The following LSG1 variants were observed in gnomAD, a reference collection of about 807,000 sequenced individuals.
LSG1 encodes the protein large 60S subunit nuclear export GTPase 1, also known as large subunit GTPase 1 homolog.
In LSG1, 55 loss-of-function variants were observed where a neutral mutation model predicts 82.6. The observed-to-expected ratio is 0.67, with a 90% confidence interval of 0.54 to 0.83. The LOEUF is 0.83. Ranked by LOEUF, LSG1 falls within the 40% of genes least tolerant of loss-of-function variation. The probability of loss-of-function intolerance (pLI) is 0.00; values close to 1 mark genes in which losing one functional copy is unlikely to be tolerated. For missense variants in LSG1, 809 were observed against 807.9 expected, an observed-to-expected ratio of 1.00 and a Z score of -0.02; for synonymous variants, 272 against 282.5, an observed-to-expected ratio of 0.96 and a Z score of 0.37.
chr3:194,641,853 G>C lies in LSG1; in HGVS notation c.*215C>G. On this transcript the variant is annotated 3_prime_UTR_variant, in exon 14 of 14. Coordinates refer to ENST00000265245, the MANE Select transcript of LSG1 (RefSeq NM_018385.3). ...GAGCCACTGTGCCCGGCCAGGAGTA[G>C]GATTCTCGGGCTCCCAGATGACTCC... 5 of 449,908 alleles carry C rather than the reference G, an allele frequency of 1.1e-5. No individual in the cohort carries two copies. The South Asian group carries it at 2.3e-4, about 21-fold the overall frequency. The allele number at this position is 449,908 out of a possible 1,614,324, so 27.9% of individuals were successfully genotyped here.
intron 1 of LSG1, 23 bp from the exon 2 acceptor site, chr3:194,670,158 A>G (rs768863855): frequency 3.7e-6 from 6 of 1,612,070 alleles, no homozygotes; most frequent in Non-Finnish European, 5.1e-6. Flanking sequence ...ACAGGGTGAT[A>G]AATACAGCTG....
intron 12 of LSG1, chr3:194,645,000 C>T (rs1231994667): frequency 6.0e-6 from 2 of 334,750 alleles, no homozygotes; most frequent in South Asian, 1.0e-4. Context: ...CGTTTGCATT[C>T]CCACTCAAGT....
Position 194,657,644 on chromosome 3 carries a change from A to G in LSG1, c.759+1313T>C, listed in dbSNP as rs187989157. On this transcript the variant is annotated intron_variant, in intron 7 of 13. Coordinates refer to ENST00000265245, the MANE Select transcript of LSG1 (RefSeq NM_018385.3). ...AATACCACCTGGAATAACGTATTCA[A>G]TTAGGTGTGGCTAGTTTTGCCTGTG... Among the ~76,000 whole-genome samples, 129 of 152,222 alleles carry G rather than the reference A, an allele frequency of 8.5e-4. No homozygotes were observed. The Middle Eastern group carries it at 0.014, about 16-fold the overall frequency.
chr3:194,646,105 A>G lies in LSG1; in HGVS notation c.1623+59T>C, dbSNP rs1053959223. The G allele has an allele frequency of 3.3e-6, 5 of 1,512,822 alleles. No homozygotes were observed. The African/African-American group carries it at 4.1e-5, about 12-fold the overall frequency. 93.7% of individuals were successfully genotyped at this position (1,512,822 alleles called of 1,614,324 possible). The stretch of plus-strand genomic sequence containing the variant: ...ATCGAACAGGTTACCATTATCTAAG[A>G]ACGCAGAATGTGGAAAAGACTTGTG... On this transcript the variant is annotated intron_variant, in intron 12 of 13. Coordinates refer to ENST00000265245, the MANE Select transcript of LSG1 (RefSeq NM_018385.3).
rs144526396 is a variant in LSG1 at position 194,647,893 on chromosome 3, A to G, written c.1543+788T>C. Among the ~76,000 whole-genome samples, 278 of 152,256 alleles carry G rather than the reference A, an allele frequency of 1.8e-3. 3 individuals are homozygous for G. The highest frequency in any genetic ancestry group is 6.5e-3 in the African/African-American group (269 of 41,546). On this transcript the variant is annotated intron_variant, in intron 11 of 13. Transcript: ENST00000265245. ...AATCTGTAATTAGAATAGTCTTACC[A>G]CAAGTGTTTAGTATTTATCCTCTTT... is the stretch of plus-strand genomic sequence containing the variant.
chr3:194,669,915 A>G, intron 2 of LSG1, 94 bp downstream of exon 2: 1 of 1,428,778 alleles, frequency 7.0e-7, no homozygotes, highest in South Asian at 1.3e-5. Flanking sequence ...TGGGTGACAG[A>G]GCGAGACTCC....
chr3:194,641,412 A>G lies in LSG1; in HGVS notation c.*656T>C, dbSNP rs1448784465. On this transcript the variant is annotated 3_prime_UTR_variant, in exon 14 of 14. Coordinates refer to ENST00000265245, the MANE Select transcript of LSG1 (RefSeq NM_018385.3). ...TTTAAATAAGTGGAATAACCAGTGA[A>G]GATGGGGGCTAGGTAGTAAATACCG... 6.6e-6 allele frequency: 1 copy of G among 152,200 alleles called. No individual in the cohort carries two copies. Among genetic ancestry groups the G allele is most frequent in the Admixed American group, 6.5e-5 (1 of 15,272 alleles). The allele number at this position is 152,200 out of a possible 1,614,324, so 9.4% of individuals were successfully genotyped here.
intron 7 of LSG1, 25 bp downstream of exon 7, chr3:194,658,932 C>A: frequency 6.4e-7 from 1 of 1,566,430 alleles, no homozygotes; most frequent in Non-Finnish European, 8.7e-7. Context: ...CTTTGAAAGC[C>A]AACCTAAAAT....
At position 194,642,127 on chromosome 3, in the gene LSG1, GT is replaced by G. The variant is rs754386162; in HGVS notation, c.1917del (p.Lys639AsnfsTer51). On this transcript the variant is annotated frameshift_variant, in exon 14 of 14. Coordinates refer to ENST00000265245, the MANE Select transcript of LSG1 (RefSeq NM_018385.3). LOFTEE classifies it high-confidence loss of function. ...TTTTCTTTTTTATTTCTGTTGCCAT[GT>G]TTTTTCCAGGGCTTCCCCGCCCCGT... ...SENGAGKPWK[K>X]HGNRNKKEKS... The G allele has an allele frequency of 6.2e-7, 1 of 1,613,772 alleles. No homozygotes were observed. The highest frequency in any genetic ancestry group is 1.7e-5 in the Admixed American group (1 of 60,002).
chr3:194,672,024 T>C (rs766357388), intron 1 of LSG1, 40 bp downstream of exon 1: 4 of 1,577,152 alleles, frequency 2.5e-6, no homozygotes, highest in African/African-American at 1.3e-5. Context: ...GCACTCAGGC[T>C]AGACAGAAAA....
At chr3:194,655,661 T>C (rs1718775938) in intron 7 of LSG1, among the ~76,000 whole-genome samples, 1 of 152,166 alleles carries the variant, frequency 6.6e-6, no homozygotes, top group Non-Finnish European at 1.5e-5. Flanking sequence ...CTTGTGAATA[T>C]ATCTATATTC....
At chr3:194,669,700 A>G (rs1773228) in intron 2 of LSG1, among the ~76,000 whole-genome samples, 110,269 of 151,890 alleles carry the variant, frequency 0.73, 40,473 homozygotes, top group East Asian at 0.94. Flanking sequence ...TTGGGAGGCC[A>G]AGGAAGGCGA....
At chr3:194,659,247 CTAATT>C (rs1718872592) in intron 6 of LSG1, 114 bp from the exon 7 acceptor site, 7 of 764,372 alleles carry the variant, frequency 9.2e-6, no homozygotes, top group Non-Finnish European at 1.5e-5. Context: ...AAATCATTTC[CTAATT>C]TAAACATTTT....
At chr3:194,671,095 C>A (rs1337530220) in intron 1 of LSG1, among the ~76,000 whole-genome samples, 1 of 152,114 alleles carries the variant, frequency 6.6e-6, no homozygotes, top group Non-Finnish European at 1.5e-5. Flanking sequence ...GACCCTGTCT[C>A]TAAAAATGAA....
chr3:194,652,392 A>G (rs1474103829), intron 8 of LSG1, among the ~76,000 whole-genome samples: 1 of 152,258 alleles, frequency 6.6e-6, no homozygotes, highest in Non-Finnish European at 1.5e-5. Context: ...CAGGGTGCCC[A>G]AAGAACACTG....
intron 2 of LSG1, among the ~76,000 whole-genome samples, chr3:194,669,704 A>C (rs1773229): frequency 0.64 from 97,842 of 151,852 alleles, 32,274 homozygotes; most frequent in East Asian, 0.87. Context: ...GAGGCCAAGG[A>C]AGGCGAATCA....
chr3:194,664,066 G>A (rs912820848), intron 5 of LSG1, among the ~76,000 whole-genome samples: 7 of 152,036 alleles, frequency 4.6e-5, no homozygotes, highest in African/African-American at 1.7e-4. Flanking sequence ...TCCACCTCCT[G>A]GATTCAAGTG....
At chr3:194,659,772 G>A (rs1627849) in intron 6 of LSG1, among the ~76,000 whole-genome samples, 93,574 of 152,084 alleles carry the variant, frequency 0.62, 30,348 homozygotes, top group East Asian at 0.87. Context: ...TAAATAAAAT[G>A]CTATTTCAAC....
rs766743369 is a variant in LSG1, at chr3:194,642,038, T to A, written c.*30A>T. The stretch of plus-strand genomic sequence containing the variant: ...CTTCTGCTCTTTTCCATCTGCACAA[T>A]GCAGATGACATTTCTGTTGCAGCCC... On this transcript the variant is annotated 3_prime_UTR_variant, in exon 14 of 14. Coordinates refer to ENST00000265245, the MANE Select transcript of LSG1 (RefSeq NM_018385.3). 6.2e-7 allele frequency: 1 copy of A among 1,608,472 alleles called. No homozygotes were observed. Among genetic ancestry groups the A allele is most frequent in the East Asian group, 2.2e-5 (1 of 44,862 alleles).
Sources: allele counts gnomAD v4.1 joint callset (sites outside exome capture counted in the v4.1 genomes callset), GRCh38; gene constraint gnomAD v4.1.1; transcripts MANE v1.5; gene names NCBI Gene and HGNC (gene_info 2026-07-23, HGNC 2026-07-21).